EPM2A: variants seen among roughly 807,000 people sequenced by gnomAD.
The protein encoded by EPM2A is EPM2A glucan phosphatase, laforin, also known as laforin.
EPM2A carries 21 observed loss-of-function variants against 26.5 expected under a neutral mutation model. The ratio of observed to expected loss-of-function variants is 0.79; its 90% CI spans 0.56 to 1.14. The LOEUF (loss-of-function observed/expected upper bound fraction) is 1.14, where lower values mean the gene tolerates loss of function less well. Ranked by LOEUF, EPM2A falls within the 50% of genes most tolerant of loss-of-function variation. The pLI, the probability that EPM2A is intolerant of heterozygous loss-of-function variation, is 0.00. For missense variants in EPM2A, 458 were observed against 440.8 expected, an observed-to-expected ratio of 1.04 and a Z score of -0.35; for synonymous variants, 217 against 177.6, an observed-to-expected ratio of 1.22 and a Z score of -1.76.
chr6:145,660,589 G>T (rs893224171), intron 2 of EPM2A, among the ~76,000 whole-genome samples: 2 of 152,228 alleles, frequency 1.3e-5, no homozygotes, highest in Middle Eastern at 3.4e-3. Context: ...ATCACCTGAG[G>T]TCAGGAATTC....
rs186851804 is a variant in EPM2A at position 145,660,467 on chromosome 6, T to C, written c.477-24981A>G. Among the ~76,000 whole-genome samples the C allele has an allele frequency of 2.4e-4, 36 of 152,326 alleles. No homozygotes were observed. The East Asian group carries it at 6.7e-3, about 29-fold the overall frequency. The stretch of plus-strand genomic sequence containing the variant: ...GAGACACTAAGCCTTGTTTAACTTT[T>C]TACTCCAATATCTAACTCCTAGCAA... On this transcript the variant is annotated intron_variant, in intron 2 of 3. Coordinates refer to ENST00000367519, the MANE Select transcript of EPM2A (RefSeq NM_005670.4).
intron 4 of EPM2A, among the ~76,000 whole-genome samples, chr6:145,434,247 T>C (rs1778959652): frequency 6.6e-6 from 1 of 151,716 alleles, no homozygotes; most frequent in African/African-American, 2.4e-5. Context: ...TTTCTTCTCT[T>C]TTTTTTATCT....
At chr6:145,400,162 G>C (rs1485383133) in intron 4 of EPM2A, among the ~76,000 whole-genome samples, 2 of 152,198 alleles carry the variant, frequency 1.3e-5, no homozygotes. Flanking sequence ...CCCAGGGAAA[G>C]TAGCCAGATC....
At chr6:145,471,690 C>G (rs977414004) in intron 4 of EPM2A, among the ~76,000 whole-genome samples, 2 of 152,156 alleles carry the variant, frequency 1.3e-5, no homozygotes, top group African/African-American at 2.4e-5. Flanking sequence ...ACCACCCATA[C>G]AGGGAGAATT....
At chr6:145,611,141 C>G (rs1022168670) in intron 2 of EPM2A, among the ~76,000 whole-genome samples, 2 of 152,014 alleles carry the variant, frequency 1.3e-5, no homozygotes, top group East Asian at 1.9e-4. Flanking sequence ...AAAATATATT[C>G]TGTACTGACA....
chr6:145,581,516 A>C (rs1482186293), intron 2 of EPM2A, among the ~76,000 whole-genome samples: 2 of 151,918 alleles, frequency 1.3e-5, no homozygotes, highest in African/African-American at 2.4e-5. Flanking sequence ...CTAATTTGTC[A>C]ATTTTTGTTT....
At chr6:145,654,788 C>T (rs1582977571) in intron 2 of EPM2A, among the ~76,000 whole-genome samples, 3 of 152,098 alleles carry the variant, frequency 2.0e-5, no homozygotes, top group Admixed American at 1.3e-4. Flanking sequence ...AATCTATTTC[C>T]GTTTAGTTTG....
intron 2 of EPM2A, among the ~76,000 whole-genome samples, chr6:145,510,581 C>T (rs531424620): frequency 6.5e-4 from 99 of 152,106 alleles, no homozygotes; most frequent in Admixed American, 3.8e-3. Flanking sequence ...CTCTGGGACA[C>T]GACAAAAACA....
chr6:145,631,598 C>A (rs565253161), intron 3 of EPM2A: 4 of 152,152 alleles, frequency 2.6e-5, no homozygotes, highest in Admixed American at 6.5e-5. Context: ...TGAGACACTA[C>A]TAAGCACTTC....
At chr6:145,648,318 G>A (rs1435161845) in intron 2 of EPM2A, among the ~76,000 whole-genome samples, 3 of 152,142 alleles carry the variant, frequency 2.0e-5, no homozygotes, top group African/African-American at 4.8e-5. Flanking sequence ...ACAGAATCCC[G>A]AGTCCTTGGT....
intron 2 of EPM2A, among the ~76,000 whole-genome samples, chr6:145,565,596 A>G (rs1381069439): frequency 6.6e-6 from 1 of 152,168 alleles, no homozygotes; most frequent in Non-Finnish European, 1.5e-5. Flanking sequence ...GAAACTTCAC[A>G]GTAATTTATT....
At chr6:145,712,728 A>G (rs557771809) in intron 1 of EPM2A, among the ~76,000 whole-genome samples, 1 of 152,284 alleles carries the variant, frequency 6.6e-6, no homozygotes, top group East Asian at 1.9e-4. Flanking sequence ...GCTTCACCAG[A>G]GAGTTTTTCT....
intron 2 of EPM2A, among the ~76,000 whole-genome samples, chr6:145,550,173 A>C (rs979912975): frequency 6.6e-6 from 1 of 152,072 alleles, no homozygotes; most frequent in Non-Finnish European, 1.5e-5. Context: ...CTCTGAACTT[A>C]CATCATTTGC....
At chr6:145,454,888 G>A (rs1023259336) in intron 4 of EPM2A, among the ~76,000 whole-genome samples, 7 of 151,900 alleles carry the variant, frequency 4.6e-5, no homozygotes, top group Admixed American at 6.6e-5. Context: ...CTTTGACCTC[G>A]GTGAAATTAA....
At chr6:145,397,427 C>A (rs1778420465) in intron 4 of EPM2A, among the ~76,000 whole-genome samples, 1 of 151,820 alleles carries the variant, frequency 6.6e-6, no homozygotes, top group African/African-American at 2.4e-5. Flanking sequence ...GGCAACAGAG[C>A]AAGAGCCTTA....
intron 2 of EPM2A, among the ~76,000 whole-genome samples, chr6:145,589,333 T>A (rs2128547469): frequency 6.6e-6 from 1 of 152,304 alleles, no homozygotes; most frequent in East Asian, 1.9e-4. Context: ...AATAAAAATG[T>A]TTCCATTTTT....
In EPM2A at chr6:145,627,718, C is replaced by T. The variant is rs762566139; in HGVS notation, c.719-25G>A. ...CCTGCGGTGGGGAAAGCACAGCACACATGTGAATAACTAAACCACCAGATA... is the reference window on the plus strand; with the variant it reads ...CCTGCGGTGGGGAAAGCACAGCACATATGTGAATAACTAAACCACCAGATA... On this transcript the variant is annotated intron_variant, in intron 3 of 3. Coordinates refer to ENST00000367519, the MANE Select transcript of EPM2A (RefSeq NM_005670.4). 92 of 1,612,340 alleles carry T rather than the reference C, an allele frequency of 5.7e-5. No individual in the cohort carries two copies. In the Middle Eastern group the frequency reaches 8.8e-4, roughly 15 times the overall value.
At chr6:145,735,001 G>A in intron 1 of EPM2A, 197 bp downstream of exon 1, 1 of 363,202 alleles carries the variant, frequency 2.8e-6, no homozygotes, top group Non-Finnish European at 4.9e-6. Context: ...GGAAGCCGGA[G>A]GCGCGGCTGG....
intron 2 of EPM2A, among the ~76,000 whole-genome samples, chr6:145,515,326 T>C (rs962434263): frequency 1.3e-5 from 2 of 152,202 alleles, no homozygotes; most frequent in African/African-American, 4.8e-5. Flanking sequence ...TTACTTGGTC[T>C]GTGTAAACCA....
Sources: allele counts gnomAD v4.1 joint callset (sites outside exome capture counted in the v4.1 genomes callset), GRCh38; gene constraint gnomAD v4.1.1; transcripts MANE v1.5; gene names NCBI Gene and HGNC (gene_info 2026-07-23, HGNC 2026-07-21).